The following TENM2 variants were observed in gnomAD, a reference collection of about 807,000 sequenced individuals.
TENM2 encodes the protein teneurin transmembrane protein 2, also known as teneurin-2.
A neutral mutation model predicts 245.2 loss-of-function variants in TENM2; 52 were observed. That is an observed-to-expected ratio of 0.21 (90% CI 0.17 to 0.27). The LOEUF is 0.27. Ranked by LOEUF, TENM2 falls within the 10% of genes least tolerant of loss-of-function variation. The probability of loss-of-function intolerance (pLI) is 1.00; values close to 1 mark genes in which losing one functional copy is unlikely to be tolerated. For missense variants in TENM2, 3,046 were observed against 3,666.8 expected, an observed-to-expected ratio of 0.83 and a Z score of 4.37; for synonymous variants, 1,363 against 1,438.9, an observed-to-expected ratio of 0.95 and a Z score of 1.19.
At chr5:167,428,042 C>G (rs555064892) in intron 2 of TENM2, among the ~76,000 whole-genome samples, 1 of 152,150 alleles carries the variant, frequency 6.6e-6, no homozygotes, top group African/African-American at 2.4e-5. Context: ...CATTCAGATT[C>G]ACTAATTCAG....
intron 2 of TENM2, among the ~76,000 whole-genome samples, chr5:167,508,352 G>A (rs964765270): frequency 6.6e-6 from 1 of 152,132 alleles, no homozygotes; most frequent in Non-Finnish European, 1.5e-5. Flanking sequence ...TAGGGGTGGT[G>A]ATTTTAATTA....
chr5:168,108,997 G>A (rs533149175), intron 9 of TENM2, among the ~76,000 whole-genome samples: 1 of 152,116 alleles, frequency 6.6e-6, no homozygotes, highest in African/African-American at 2.4e-5. Context: ...AGACAGCCAG[G>A]GCTGCATCCT....
At chr5:167,413,045 ACTACTAGTTAT>A (rs1335286031) in intron 2 of TENM2, among the ~76,000 whole-genome samples, 4 of 152,126 alleles carry the variant, frequency 2.6e-5, no homozygotes, top group Non-Finnish European at 5.9e-5. Flanking sequence ...TTAATTCAGG[ACTACTAGTTAT>A]CTAGAAACAT....
Position 167,679,060 on chromosome 5 carries a change from G to A in TENM2, c.503-196926G>A, listed in dbSNP as rs556336647. 3.8e-3 allele frequency among the ~76,000 whole-genome samples: 572 copies of A among 152,122 alleles called. 2 individuals are homozygous for A. Among genetic ancestry groups the A allele is most frequent in the Middle Eastern group, 0.037 (11 of 294 alleles). The stretch of plus-strand genomic sequence containing the variant: ...AACCCAAACACAAATGCACCCTCTT[G>A]AAAACCTAATCACATTATGAGCTCT... On this transcript the variant is annotated intron_variant, in intron 2 of 28. Transcript: ENST00000518659.
chr5:167,373,999 C>T (rs1031382028), intron 1 of TENM2, among the ~76,000 whole-genome samples: 3 of 152,142 alleles, frequency 2.0e-5, no homozygotes, highest in African/African-American at 4.8e-5. Flanking sequence ...ATTCACTTTC[C>T]GTAAGTGAGG....
chr5:167,768,585 G>A (rs1283185181), intron 2 of TENM2, among the ~76,000 whole-genome samples: 1 of 152,170 alleles, frequency 6.6e-6, no homozygotes. Context: ...TAATGGTTAT[G>A]AAGTGGTAGA....
At chr5:167,218,434 G>A in the TENM2 span, among the ~76,000 whole-genome samples, 3 of 152,136 alleles carry the variant, frequency 2.0e-5, no homozygotes, top group Admixed American at 2.0e-4. Context: ...GGCTCAAAAA[G>A]TTTTTGTGTT....
chr5:167,201,481 A>C, the TENM2 span, among the ~76,000 whole-genome samples: 1 of 152,206 alleles, frequency 6.6e-6, no homozygotes, highest in Admixed American at 6.5e-5. Context: ...AAAATCACAG[A>C]TCTTCAAGAA....
chr5:167,374,280 A>G (rs1249840292), intron 1 of TENM2, among the ~76,000 whole-genome samples: 1 of 152,204 alleles, frequency 6.6e-6, no homozygotes. Context: ...AGTACATAAC[A>G]TGCTGTGCAT....
At position 168,095,134 on chromosome 5, in the gene TENM2, T is replaced by G. The variant is rs371635625; in HGVS notation, c.1712-2892T>G. On this transcript the variant is annotated intron_variant, in intron 8 of 28. Coordinates refer to ENST00000518659, the Ensembl canonical transcript of TENM2. Reference sequence around the variant, plus strand: ...CAATGTAATAATAATAGAAATAAAATGCACAGTAAATGTGTGTGCTTGAAT... The same window carrying G: ...CAATGTAATAATAATAGAAATAAAAGGCACAGTAAATGTGTGTGCTTGAAT... 1.8e-4 allele frequency among the ~76,000 whole-genome samples: 28 copies of G among 152,274 alleles called. No homozygotes were observed. In the East Asian group the frequency reaches 3.7e-3, roughly 20 times the overall value.
At chr5:167,814,492 A>T (rs988878572) in intron 2 of TENM2, among the ~76,000 whole-genome samples, 1 of 151,398 alleles carries the variant, frequency 6.6e-6, no homozygotes, top group African/African-American at 2.4e-5. Context: ...AAAAAGAAAG[A>T]AAAGCAATAA....
chr5:168,118,171 T>TC, intron 9 of TENM2, 121 bp from the exon 12 acceptor site: 1 of 683,960 alleles, frequency 1.5e-6, no homozygotes, highest in Non-Finnish European at 2.3e-6. Context: ...ACAGCCAGAG[T>TC]CCCCAGCCTA....
intron 12 of TENM2, among the ~76,000 whole-genome samples, chr5:168,154,988 C>T (rs1757023244): frequency 6.6e-6 from 1 of 152,186 alleles, no homozygotes; most frequent in Non-Finnish European, 1.5e-5. Context: ...GTGTCCACGC[C>T]ATTTGTGCCT....
chr5:167,616,592 G>C (rs1040698962), intron 2 of TENM2, among the ~76,000 whole-genome samples: 11 of 152,024 alleles, frequency 7.2e-5, no homozygotes, highest in African/African-American at 1.4e-4. Context: ...AAGGCTGTAA[G>C]GGTATTAGGG....
intron 5 of TENM2, among the ~76,000 whole-genome samples, chr5:168,023,083 GC>G (rs929634318): frequency 6.6e-6 from 1 of 152,190 alleles, no homozygotes; most frequent in African/African-American, 2.4e-5. Context: ...CTGTCAGCAT[GC>G]AGCCTAATAG....
At chr5:167,501,203 A>G (rs1769189812) in intron 2 of TENM2, among the ~76,000 whole-genome samples, 1 of 152,034 alleles carries the variant, frequency 6.6e-6, no homozygotes, top group African/African-American at 2.4e-5. Context: ...TTTGCGTTAC[A>G]GGTATTTACT....
intron 1 of TENM2, among the ~76,000 whole-genome samples, chr5:167,320,951 A>AC (rs1311255844): frequency 6.6e-6 from 1 of 151,590 alleles, no homozygotes; most frequent in Non-Finnish European, 1.5e-5. Flanking sequence ...ACAAACAAAA[A>AC]AAAACACTAA....
rs150438386 is a variant in TENM2 at position 167,437,628 on chromosome 5, C to T, written c.502+62155C>T. On this transcript the variant is annotated intron_variant, in intron 2 of 28. Transcript: ENST00000518659. ...TTTGGCTGTGTCCCCACCCAAATCT[C>T]ATATGGAATTGTAACTCCCACAATT... 9.2e-5 allele frequency among the ~76,000 whole-genome samples: 14 copies of T among 152,216 alleles called. No individual in the cohort carries two copies. The East Asian group carries it at 1.7e-3, about 19-fold the overall frequency.
At position 167,487,041 on chromosome 5, in the gene TENM2, C is replaced by T. The variant is rs190690839; in HGVS notation, c.502+111568C>T. ...CTATCTCAGTGGGGGAACAGAATAA[C>T]ATATGAGATGGATTAGACTTCTGAT... On this transcript the variant is annotated intron_variant, in intron 2 of 28. Coordinates refer to ENST00000518659, the Ensembl canonical transcript of TENM2. 5.3e-3 allele frequency among the ~76,000 whole-genome samples: 814 copies of T among 152,234 alleles called. 6 individuals carry two copies. In the Middle Eastern group the frequency reaches 0.068, roughly 13 times the overall value.
Sources: gnomAD v4.1 joint callset for allele counts (sites outside exome capture counted in the v4.1 genomes callset) on GRCh38, gnomAD v4.1.1 for gene constraint, MANE v1.5 for transcripts, NCBI Gene and HGNC (gene_info 2026-07-23, HGNC 2026-07-21) for gene names.